Variants in WDTC1 observed in about 807,000 individuals in gnomAD.
WDTC1 encodes WD and tetratricopeptide repeats protein 1.
WDTC1 carries 12 observed loss-of-function variants against 76.0 expected under a neutral mutation model. That is an observed-to-expected ratio of 0.16 (90% confidence interval 0.10 to 0.26). The LOEUF (loss-of-function observed/expected upper bound fraction) is 0.26, where lower values mean the gene tolerates loss of function less well. WDTC1 is among the 10% of genes least tolerant of loss of function. WDTC1 has a pLI of 1.00. For synonymous variants in WDTC1, 326 were observed against 350.8 expected, an observed-to-expected ratio of 0.93 and a Z score of 0.79; for missense variants, 511 against 908.8, an observed-to-expected ratio of 0.56 and a Z score of 5.63.
Position 27,291,874 on chromosome 1 carries a change from G to A in WDTC1, c.480-341G>A, listed in dbSNP as rs201692059. 3.9e-3 allele frequency among the ~76,000 whole-genome samples: 587 copies of A among 152,270 alleles called. 2 individuals are homozygous for A. Among genetic ancestry groups the A allele is most frequent in the African/African-American group, 0.013 (560 of 41,542 alleles). On this transcript the variant is annotated intron_variant, in intron 6 of 15. Coordinates refer to ENST00000319394, the MANE Select transcript of WDTC1 (RefSeq NM_001276252.2). ...TATTCTAATGATACCTAGGGATGGC[G>A]TTAGGAATTAATTAAGGGGCAATAC...
rs368778175 is a variant in WDTC1 at position 27,287,031 on chromosome 1, T to C, written c.292-643T>C. Reference sequence around the variant, plus strand: ...TACAAAAATTAGCTGGGCGTGGTGGTGCACACCTGTAATCCCAGCTACTCA... The same window carrying C: ...TACAAAAATTAGCTGGGCGTGGTGGCGCACACCTGTAATCCCAGCTACTCA... On this transcript the variant is annotated intron_variant, in intron 5 of 15. Coordinates refer to ENST00000319394, the MANE Select transcript of WDTC1 (RefSeq NM_001276252.2). Among the ~76,000 whole-genome samples, 124 of 151,404 alleles carry C rather than the reference T, an allele frequency of 8.2e-4. 3 individuals carry two copies. The East Asian group carries it at 0.02, about 24-fold the overall frequency.
rs577154635 is a variant in WDTC1 at position 27,245,472 on chromosome 1, A to G, written c.-100+10521A>G. 5.3e-4 allele frequency among the ~76,000 whole-genome samples: 80 copies of G among 151,866 alleles called. 1 individual carries two copies. The Middle Eastern group carries it at 0.01, about 19-fold the overall frequency. On this transcript the variant is annotated intron_variant, in intron 1 of 15. Transcript: ENST00000319394. Reference sequence around the variant, plus strand: ...CACGTAAATAACCACAGCTCAAGGTAGGAGACAGATGAAGGAAAGGCTAAG... The same window carrying G: ...CACGTAAATAACCACAGCTCAAGGTGGGAGACAGATGAAGGAAAGGCTAAG...
At chr1:27,263,277 GTCCATTCTCTGCCTGCAGAAA>G (rs2012543264) in intron 3 of WDTC1, 42 bp downstream of exon 3, 1 of 1,588,136 alleles carries the variant, frequency 6.3e-7, no homozygotes, top group Non-Finnish European at 8.6e-7. Context: ...ATGGCCTGCT[GTCCATTCTCTGCCTGCAGAAA>G]TCCTCTTGGC....
At chr1:27,276,013 A>G (rs537352878) in intron 3 of WDTC1, among the ~76,000 whole-genome samples, 41 of 152,370 alleles carry the variant, frequency 2.7e-4, no homozygotes, top group Non-Finnish European at 5.0e-4. Context: ...GCTTTTTAGC[A>G]TAATGCTTTT....
intron 3 of WDTC1, among the ~76,000 whole-genome samples, chr1:27,265,153 A>G (rs955416834): frequency 1.3e-5 from 2 of 152,168 alleles, no homozygotes; most frequent in African/African-American, 4.8e-5. Context: ...TTGGCATAGT[A>G]TCAAAGAAAG....
chr1:27,276,816 T>G (rs962371928), intron 3 of WDTC1, among the ~76,000 whole-genome samples: 1 of 152,154 alleles, frequency 6.6e-6, no homozygotes, highest in African/African-American at 2.4e-5. Context: ...TTGAGCATGT[T>G]TTCATGTGCT....
At chr1:27,285,707 C>T (rs763562643) in intron 5 of WDTC1, among the ~76,000 whole-genome samples, 1 of 151,618 alleles carries the variant, frequency 6.6e-6, no homozygotes, top group South Asian at 2.1e-4. Context: ...CTGCCTCAGC[C>T]TCCCGAGTAG....
Position 27,301,584 on chromosome 1 carries a change from T to C in WDTC1, c.1468+123T>C. 8.7e-7 allele frequency: 1 copy of C among 1,152,998 alleles called. No homozygotes were observed. Among genetic ancestry groups the C allele is most frequent in the Admixed American group, 2.2e-5 (1 of 44,888 alleles). 71.4% of individuals were successfully genotyped at this position (1,152,998 alleles called of 1,614,324 possible). The stretch of plus-strand genomic sequence containing the variant: ...GGTTCAGATGTTGATTCAGAAACCA[T>C]GCAACTTTGGGGCAGTTACTTGGTG... On this transcript the variant is annotated intron_variant, in intron 13 of 15. Coordinates refer to ENST00000319394, the MANE Select transcript of WDTC1 (RefSeq NM_001276252.2). This position sits in a 1 kb window ranked among gnomAD's most constrained non-coding sequence, Gnocchi z 5.8.
At chr1:27,292,949 A>G (rs1045284712) in intron 7 of WDTC1, among the ~76,000 whole-genome samples, 15 of 146,750 alleles carry the variant, frequency 1.0e-4, no homozygotes, top group African/African-American at 3.8e-4. Flanking sequence ...ACGGGGTTTC[A>G]CCATGTTGAC....
chr1:27,266,630 C>T (rs545465412), intron 3 of WDTC1, among the ~76,000 whole-genome samples: 21 of 152,300 alleles, frequency 1.4e-4, no homozygotes, highest in African/African-American at 5.1e-4. Context: ...ACGCCAGTCC[C>T]AAGATGGTGA....
Position 27,301,459 on chromosome 1 carries a change from G to A in WDTC1, c.1466G>A (p.Gly489Asp), listed in dbSNP as rs147091660. Reference protein sequence around the residue: ...ITAALFSKNDGEEKKGPGGGA... With the variant: ...ITAALFSKNDDEEKKGPGGGA... ...GCTGCCCTCTTCTCTAAAAATGATG[G>A]TGGTGAGTGGGCACTGAGGAGGGGG... Residue 489 changes from glycine to aspartate, a missense_variant and splice_region_variant, in exon 13 of 16, where the codon GGT becomes GAT. Physicochemically the swap from Gly to Asp is moderately conservative, Grantham distance 94. Transcript: ENST00000319394. The surrounding 1 kb of genome is among the most constrained non-coding windows in gnomAD (Gnocchi z 5.8). 9 of 1,612,006 alleles carry A rather than the reference G, an allele frequency of 5.6e-6. No homozygotes were observed. The African/African-American group carries it at 1.1e-4, about 19-fold the overall frequency.
At position 27,297,998 on chromosome 1, in the gene WDTC1, T is replaced by C. The variant is rs777015510; in HGVS notation, c.1119T>C (p.Phe373=). The change falls in exon 12 of 16, where the codon TTT becomes TTC. Residue 373 remains phenylalanine, a synonymous_variant. Coordinates refer to ENST00000319394, the MANE Select transcript of WDTC1 (RefSeq NM_001276252.2). ...ERVKQQANEA[F]ACQQWTQAIQ... Reference sequence around the variant, plus strand: ...TGAAACAGCAAGCCAATGAGGCTTTTGCCTGCCAGCAGTGGACCCAAGCCA... The same window carrying C: ...TGAAACAGCAAGCCAATGAGGCTTTCGCCTGCCAGCAGTGGACCCAAGCCA... 1.9e-6 allele frequency: 3 copies of C among 1,614,008 alleles called. No individual in the cohort carries two copies. The highest frequency in any genetic ancestry group is 2.5e-6 in the Non-Finnish European group (3 of 1,179,994).
chr1:27,288,983 A>G (rs1224504317), intron 6 of WDTC1, among the ~76,000 whole-genome samples: 1 of 120,162 alleles, frequency 8.3e-6, no homozygotes, highest in African/African-American at 3.4e-5. Context: ...CGGGGGGCTG[A>G]CCCCCCCCCC....
chr1:27,289,152 C>T (rs576244280), intron 6 of WDTC1, among the ~76,000 whole-genome samples: 53 of 124,490 alleles, frequency 4.3e-4, no homozygotes, highest in East Asian at 8.0e-4. Context: ...CCAGTAGGGG[C>T]GGCCGGGCAG....
At chr1:27,265,565 C>G (rs1165384858) in intron 3 of WDTC1, among the ~76,000 whole-genome samples, 1 of 151,896 alleles carries the variant, frequency 6.6e-6, no homozygotes, top group Non-Finnish European at 1.5e-5. Context: ...ATGGGAGAAT[C>G]ACTTGGGCCC....
At chr1:27,288,112 TCTCTACTGC>T (rs1203994429) in intron 6 of WDTC1, among the ~76,000 whole-genome samples, 1 of 152,086 alleles carries the variant, frequency 6.6e-6, no homozygotes, top group Non-Finnish European at 1.5e-5. Context: ...GTGTCCAGGG[TCTCTACTGC>T]CTCTGGGCAT....
intron 6 of WDTC1, among the ~76,000 whole-genome samples, chr1:27,289,200 GC>G: frequency 6.6e-6 from 1 of 150,990 alleles, no homozygotes; most frequent in African/African-American, 2.4e-5. Flanking sequence ...GGCTGGCCGG[GC>G]AGAGGGGCTC....
intron 1 of WDTC1, among the ~76,000 whole-genome samples, chr1:27,240,032 G>A (rs1207474202): frequency 6.6e-6 from 1 of 151,682 alleles, no homozygotes; most frequent in African/African-American, 2.4e-5. Flanking sequence ...GAGATTATAG[G>A]TGCGCGCCAC....
intron 5 of WDTC1, among the ~76,000 whole-genome samples, chr1:27,284,216 A>C (rs1174188453): frequency 6.6e-6 from 1 of 152,110 alleles, no homozygotes; most frequent in Non-Finnish European, 1.5e-5. Context: ...AAAATGTAGA[A>C]TGGGCCCCTG....
Sources: gnomAD v4.1 joint callset for allele counts (sites outside exome capture counted in the v4.1 genomes callset) on GRCh38, gnomAD v4.1.1 for gene constraint, Gnocchi (gnomAD v3.1) non-coding constraint, MANE v1.5 for transcripts, NCBI Gene and HGNC (gene_info 2026-07-23, HGNC 2026-07-21) for gene names.